MSH3: variants seen among roughly 807,000 people sequenced by gnomAD.
MSH3 encodes the protein mutS homolog 3, also known as DNA mismatch repair protein Msh3.
Under a neutral mutation model 123.3 loss-of-function variants are expected in MSH3, and 106 were observed. The ratio of observed to expected loss-of-function variants is 0.86; its 90% CI spans 0.73 to 1.01. The LOEUF is 1.01. Among genes scored for constraint, MSH3 ranks in the 50% least tolerant of loss-of-function variants. MSH3 has a pLI of 0.00. For missense variants in MSH3, 1,459 were observed against 1,347.6 expected (o/e 1.08, Z -1.29); for synonymous variants, 515 against 481.4 (o/e 1.07, Z -0.91).
intron 20 of MSH3, among the ~76,000 whole-genome samples, chr5:80,831,088 C>G (rs1055512831): frequency 6.6e-6 from 1 of 152,066 alleles, no homozygotes; most frequent in African/African-American, 2.4e-5. Context: ...CAAAAATGCA[C>G]TTAATACTCC....
At chr5:80,751,897 T>G (rs1232103433) in intron 12 of MSH3, among the ~76,000 whole-genome samples, 1 of 152,150 alleles carries the variant, frequency 6.6e-6, no homozygotes, top group African/African-American at 2.4e-5. Flanking sequence ...ATCTCTTTAC[T>G]AGAAACAAGT....
At chr5:80,802,356 A>G (rs944259368) in intron 19 of MSH3, among the ~76,000 whole-genome samples, 1 of 151,746 alleles carries the variant, frequency 6.6e-6, no homozygotes, top group Non-Finnish European at 1.5e-5. Context: ...TCTCTGTTGT[A>G]TCTACTCTTT....
chr5:80,875,908 C>A lies in MSH3; in HGVS notation c.*46C>A, dbSNP rs771417913. On this transcript the variant is annotated 3_prime_UTR_variant, in exon 24 of 24. Transcript: ENST00000265081. Reference sequence around the variant, plus strand: ...ACAAAAAATGGAGAATTAAAAATACCAACTGTACAAAATAACTCTCCAGTA... The same window carrying A: ...ACAAAAAATGGAGAATTAAAAATACAAACTGTACAAAATAACTCTCCAGTA... 3.4e-6 allele frequency: 4 copies of A among 1,170,788 alleles called. No individual in the cohort carries two copies. Among genetic ancestry groups the A allele is most frequent in the East Asian group, 2.4e-5 (1 of 41,104 alleles). 72.5% of individuals were successfully genotyped at this position (1,170,788 alleles called of 1,614,324 possible).
At chr5:80,713,938 C>T (rs1750905663) in intron 8 of MSH3, among the ~76,000 whole-genome samples, 1 of 152,070 alleles carries the variant, frequency 6.6e-6, no homozygotes, top group African/African-American at 2.4e-5. Flanking sequence ...ATGCCGGTGT[C>T]CCACAGACTA....
intron 8 of MSH3, among the ~76,000 whole-genome samples, chr5:80,723,074 A>G (rs1325659641): frequency 1.3e-5 from 2 of 149,476 alleles, no homozygotes; most frequent in Non-Finnish European, 3.0e-5. Context: ...AGCCTAGGCG[A>G]CGGAGTGAAA....
chr5:80,670,509 G>A (rs1005993005), intron 4 of MSH3, among the ~76,000 whole-genome samples, 200 bp downstream of exon 4: 4 of 152,080 alleles, frequency 2.6e-5, no homozygotes, highest in African/African-American at 9.7e-5. Context: ...AAAAAGTGAG[G>A]GGTCTCTATT....
intron 11 of MSH3, among the ~76,000 whole-genome samples, chr5:80,742,114 A>G (rs1204900563): frequency 1.3e-5 from 2 of 152,120 alleles, no homozygotes; most frequent in South Asian, 2.1e-4. Flanking sequence ...GGTTCAAGCA[A>G]TTCTCCTGCC....
At chr5:80,843,469 AGAAG>A (rs1745663305) in intron 20 of MSH3, among the ~76,000 whole-genome samples, 1 of 152,226 alleles carries the variant, frequency 6.6e-6, no homozygotes, top group African/African-American at 2.4e-5. Context: ...GAATAGTTTC[AGAAG>A]GAATGGTACC....
intron 8 of MSH3, among the ~76,000 whole-genome samples, chr5:80,697,379 G>GT (rs1369676338): frequency 6.6e-6 from 1 of 152,176 alleles, no homozygotes; most frequent in Admixed American, 6.5e-5. Flanking sequence ...CACAAATAAC[G>GT]TTTTTTACCT....
intron 7 of MSH3, among the ~76,000 whole-genome samples, chr5:80,677,789 A>G (rs929165758): frequency 6.6e-6 from 1 of 152,180 alleles, no homozygotes; most frequent in Non-Finnish European, 1.5e-5. Flanking sequence ...CCTTTTGTTT[A>G]CCATTTTGTA....
chr5:80,699,806 T>C (rs1750568897), intron 8 of MSH3, among the ~76,000 whole-genome samples: 1 of 152,176 alleles, frequency 6.6e-6, no homozygotes, highest in Non-Finnish European at 1.5e-5. Flanking sequence ...TAGATATTCC[T>C]TTACAGCAAA....
chr5:80,662,658 C>G lies in MSH3; in HGVS notation c.359-2485C>G, dbSNP rs370205271. On this transcript the variant is annotated intron_variant, in intron 2 of 23. Coordinates refer to ENST00000265081, the MANE Select transcript of MSH3 (RefSeq NM_002439.5). ...CCTGGCCAACATGATGAAACCCCGT[C>G]TCTACTAAAAATACAAAAATTAGCC... Among the ~76,000 whole-genome samples, 41 of 152,152 alleles carry G rather than the reference C, an allele frequency of 2.7e-4. No homozygotes were observed. In the South Asian group the frequency reaches 8.5e-3, roughly 32 times the overall value.
chr5:80,783,150 A>G (rs1454344974), intron 17 of MSH3, among the ~76,000 whole-genome samples: 2 of 152,240 alleles, frequency 1.3e-5, no homozygotes, highest in Non-Finnish European at 2.9e-5. Flanking sequence ...TTCTCTAGTC[A>G]TCATAACACT....
At chr5:80,869,841 T>TATATACACACACAC (rs376147429) in intron 22 of MSH3, among the ~76,000 whole-genome samples, 1 of 132,524 alleles carries the variant, frequency 7.5e-6, no homozygotes, top group Admixed American at 7.7e-5. Context: ...TACATATATA[T>TATATACACACACAC]ACACACACAC....
chr5:80,700,748 T>C (rs1750589614), intron 8 of MSH3, among the ~76,000 whole-genome samples: 1 of 152,238 alleles, frequency 6.6e-6, no homozygotes, highest in Non-Finnish European at 1.5e-5. Flanking sequence ...ATCAAGTGCA[T>C]TCTCCTCAGG....
intron 20 of MSH3, among the ~76,000 whole-genome samples, chr5:80,823,903 T>C (rs7707965): frequency 0.16 from 23,814 of 151,694 alleles, 1,948 homozygotes; most frequent in East Asian, 0.24. Context: ...TGACTCTTAA[T>C]GAGCATGCTG....
At chr5:80,720,704 T>C (rs1165225827) in intron 8 of MSH3, among the ~76,000 whole-genome samples, 2 of 152,090 alleles carry the variant, frequency 1.3e-5, no homozygotes, top group African/African-American at 4.8e-5. Context: ...AGAGATGTTA[T>C]TATGTTTTTT....
chr5:80,756,641 G>C (rs1387924056), intron 12 of MSH3, among the ~76,000 whole-genome samples: 1 of 152,094 alleles, frequency 6.6e-6, no homozygotes, highest in East Asian at 1.9e-4. Flanking sequence ...TCATAACCCA[G>C]TTATAATCTT....
intron 7 of MSH3, among the ~76,000 whole-genome samples, chr5:80,676,619 A>G (rs1749845078): frequency 6.6e-6 from 1 of 152,186 alleles, no homozygotes; most frequent in East Asian, 1.9e-4. Context: ...CTCTGTGTTA[A>G]CTTGACATTT....
Sources: gnomAD v4.1 joint callset for allele counts (sites outside exome capture counted in the v4.1 genomes callset) on GRCh38, gnomAD v4.1.1 for gene constraint, MANE v1.5 for transcripts, NCBI Gene and HGNC (gene_info 2026-07-23, HGNC 2026-07-21) for gene names.